The following SEMA6D variants were observed in gnomAD, a reference collection of about 807,000 sequenced individuals.
SEMA6D encodes the protein semaphorin-6D.
SEMA6D carries 35 observed loss-of-function variants against 106.6 expected under a neutral mutation model. That is an observed-to-expected ratio of 0.33 (90% CI 0.25 to 0.44). The LOEUF is 0.44. Ranked by LOEUF, SEMA6D falls within the 20% of genes least tolerant of loss-of-function variation. SEMA6D has a pLI of 1.00. For synonymous variants in SEMA6D, 499 were observed against 487.7 expected (o/e 1.02, Z -0.31); for missense variants, 1,185 against 1,345.9 (o/e 0.88, Z 1.87).
intron 1 of SEMA6D, among the ~76,000 whole-genome samples, chr15:47,326,274 A>G (rs1262366833): frequency 6.6e-6 from 1 of 152,222 alleles, no homozygotes; most frequent in African/African-American, 2.4e-5. Flanking sequence ...GTTATAATAA[A>G]TGCTATTTTA....
intron 4 of SEMA6D, among the ~76,000 whole-genome samples, chr15:47,706,264 A>ATGCT (rs972305184): frequency 6.6e-6 from 1 of 152,244 alleles, no homozygotes; most frequent in African/African-American, 2.4e-5. Context: ...TATACATAGC[A>ATGCT]CTAAATTACA....
intron 1 of SEMA6D, among the ~76,000 whole-genome samples, chr15:47,219,851 T>C (rs994798269): frequency 2.0e-5 from 3 of 152,198 alleles, no homozygotes; most frequent in African/African-American, 7.2e-5. Context: ...TATGAATTCA[T>C]GGTCAGCTAT....
At chr15:47,270,827 C>T (rs2034526966) in intron 1 of SEMA6D, among the ~76,000 whole-genome samples, 1 of 149,948 alleles carries the variant, frequency 6.7e-6, no homozygotes, top group South Asian at 2.2e-4. Context: ...AACCCCACCT[C>T]TACTAAAAAT....
intron 3 of SEMA6D, among the ~76,000 whole-genome samples, chr15:47,540,654 C>G (rs1290073982): frequency 6.6e-6 from 1 of 152,106 alleles, no homozygotes. Context: ...GAAGACTGGC[C>G]TCAGGGAGTG....
intron 1 of SEMA6D, among the ~76,000 whole-genome samples, chr15:47,254,875 T>TTTTGTGTGTGTGTGTGTG: frequency 7.4e-6 from 1 of 134,308 alleles, no homozygotes; most frequent in Admixed American, 7.5e-5. Context: ...ACCTGTGGTT[T>TTTTGTGTGTGTGTGTGTG]TGTGTGTGTG....
chr15:47,664,154 T>A (rs1391271015), intron 4 of SEMA6D, among the ~76,000 whole-genome samples: 1 of 152,196 alleles, frequency 6.6e-6, no homozygotes, highest in Non-Finnish European at 1.5e-5. Flanking sequence ...TACCATTATT[T>A]ATTTATAGCT....
intron 1 of SEMA6D, among the ~76,000 whole-genome samples, chr15:47,754,853 T>C (rs561325065): frequency 1.3e-5 from 2 of 152,332 alleles, no homozygotes; most frequent in South Asian, 4.1e-4. Flanking sequence ...TTCTATTTGT[T>C]TGTCTTCTTA....
chr15:47,202,366 A>G (rs1595733411), intron 1 of SEMA6D, among the ~76,000 whole-genome samples: 1 of 152,170 alleles, frequency 6.6e-6, no homozygotes, highest in East Asian at 1.9e-4. Context: ...TCAAGCAGAC[A>G]CATTAAGAGG....
At chr15:47,199,184 T>A (rs1268404615) in intron 1 of SEMA6D, among the ~76,000 whole-genome samples, 1 of 152,156 alleles carries the variant, frequency 6.6e-6, no homozygotes, top group African/African-American at 2.4e-5. Flanking sequence ...AGCAAATGTG[T>A]TAGGATAGTT....
intron 1 of SEMA6D, among the ~76,000 whole-genome samples, chr15:47,275,656 A>G (rs770237781): frequency 2.0e-5 from 3 of 152,204 alleles, no homozygotes; most frequent in Admixed American, 6.6e-5. Flanking sequence ...CCAACCTGCT[A>G]TTCTCCCTTC....
At position 47,318,346 on chromosome 15, in the gene SEMA6D, C is replaced by T. The variant is rs1595719550; in HGVS notation, c.-238-94047C>T. Among the ~76,000 whole-genome samples the T allele has an allele frequency of 2.9e-5, 4 of 139,640 alleles. 1 individual carries two copies. The highest frequency in any genetic ancestry group is 5.2e-5 in the African/African-American group (2 of 38,690). 91.6% of individuals were successfully genotyped at this position (139,640 alleles called of 152,430 possible). ...GTTAGTTACATATGTATACATGTGC[C>T]ATGCTGGTGTGCTGTACCCACTAAC... On this transcript the variant is annotated intron_variant, in intron 1 of 19. Transcript: ENST00000558014.
chr15:47,670,526 G>A lies in SEMA6D; in HGVS notation c.-55+69630G>A, dbSNP rs1194177946. Among the ~76,000 whole-genome samples, 3 of 152,304 alleles carry A rather than the reference G, an allele frequency of 2.0e-5. No individual in the cohort carries two copies. In the East Asian group the frequency reaches 5.8e-4, roughly 29 times the overall value. On this transcript the variant is annotated intron_variant, in intron 4 of 19. Transcript: ENST00000558014. Reference sequence around the variant, plus strand: ...ATGGGGGAGAATGCACATGGGGAAGGCATTGTCTTAATGATTTCTTCCCAG... The same window carrying A: ...ATGGGGGAGAATGCACATGGGGAAGACATTGTCTTAATGATTTCTTCCCAG...
At chr15:47,210,830 T>A (rs2029925194) in intron 1 of SEMA6D, among the ~76,000 whole-genome samples, 1 of 150,130 alleles carries the variant, frequency 6.7e-6, no homozygotes, top group Non-Finnish European at 1.5e-5. Flanking sequence ...AAAATGATGG[T>A]CCAGTTAAAC....
At chr15:47,360,304 C>G (rs907140824) in intron 1 of SEMA6D, among the ~76,000 whole-genome samples, 1 of 152,142 alleles carries the variant, frequency 6.6e-6, no homozygotes, top group Non-Finnish European at 1.5e-5. Context: ...GAATGTTGAG[C>G]CTGCATAGCA....
chr15:47,213,042 C>T (rs1362112676), intron 1 of SEMA6D, among the ~76,000 whole-genome samples: 1 of 145,982 alleles, frequency 6.9e-6, no homozygotes, highest in African/African-American at 2.6e-5. Flanking sequence ...TGGAGAAGCG[C>T]TATCCAAGAG....
chr15:47,455,095 A>T (rs12915694), intron 2 of SEMA6D, among the ~76,000 whole-genome samples: 37,344 of 151,546 alleles, frequency 0.25, 5,508 homozygotes, highest in Middle Eastern at 0.45. Context: ...TATTATTATT[A>T]TCATTATTAG....
chr15:47,319,715 G>A (rs1003133322), intron 1 of SEMA6D, among the ~76,000 whole-genome samples: 2 of 152,030 alleles, frequency 1.3e-5, no homozygotes, highest in African/African-American at 4.8e-5. Flanking sequence ...GAGTGCTCTG[G>A]TGTATTTCAA....
intron 1 of SEMA6D, among the ~76,000 whole-genome samples, chr15:47,264,995 G>A (rs1159771424): frequency 2.0e-5 from 3 of 151,884 alleles, no homozygotes; most frequent in Non-Finnish European, 2.9e-5. Context: ...TCTTTAATAT[G>A]TTCCTGGATT....
At chr15:47,409,602 G>A (rs988923183) in intron 1 of SEMA6D, among the ~76,000 whole-genome samples, 1 of 152,194 alleles carries the variant, frequency 6.6e-6, no homozygotes, top group Non-Finnish European at 1.5e-5. Context: ...TCCTAGAATT[G>A]TGAAGCTGGA....
Sources: allele counts gnomAD v4.1 joint callset (sites outside exome capture counted in the v4.1 genomes callset), GRCh38; gene constraint gnomAD v4.1.1; transcripts MANE v1.5; gene names NCBI Gene and HGNC (gene_info 2026-07-23, HGNC 2026-07-21).